The following DEPTOR variants were observed in gnomAD, a reference collection of about 807,000 sequenced individuals.
DEPTOR encodes the protein DEP domain containing MTOR interacting protein, also known as DEP domain-containing mTOR-interacting protein.
A neutral mutation model predicts 41.6 loss-of-function variants in DEPTOR; 41 were observed. The ratio of observed to expected loss-of-function variants is 0.98; its 90% CI spans 0.77 to 1.28. The LOEUF is 1.28. Among genes scored for constraint, DEPTOR ranks in the 50% most tolerant of loss-of-function variants. The pLI, the probability that DEPTOR is intolerant of heterozygous loss-of-function variation, is 0.00. For synonymous variants in DEPTOR, 195 were observed against 192.3 expected (o/e 1.01, Z -0.12); for missense variants, 514 against 527.9 (o/e 0.97, Z 0.26).
intron 8 of DEPTOR, among the ~76,000 whole-genome samples, chr8:120,013,013 C>T (rs1185164561): frequency 6.6e-6 from 1 of 151,786 alleles, no homozygotes; most frequent in African/African-American, 2.4e-5. Context: ...AAAAATTAGT[C>T]AAGCATGCTG....
chr8:119,900,978 G>T (rs1360293823), intron 1 of DEPTOR, among the ~76,000 whole-genome samples: 2 of 152,078 alleles, frequency 1.3e-5, no homozygotes, highest in Admixed American at 1.3e-4. Context: ...ATCCCTAGTG[G>T]AAAGTAAAAT....
chr8:119,930,067 A>G (rs1252691121), intron 3 of DEPTOR, 129 bp downstream of exon 3: 2 of 1,097,124 alleles, frequency 1.8e-6, no homozygotes, highest in African/African-American at 3.2e-5. Flanking sequence ...TCTTTTCCAT[A>G]TGAGAAAACT....
intron 3 of DEPTOR, among the ~76,000 whole-genome samples, chr8:119,935,722 A>G (rs957303288): frequency 1.3e-5 from 2 of 148,184 alleles, no homozygotes; most frequent in African/African-American, 4.9e-5. Context: ...CTCCATCTCA[A>G]AAAAAAAAAA....
intron 8 of DEPTOR, among the ~76,000 whole-genome samples, chr8:120,020,270 C>T (rs564331392): frequency 5.7e-4 from 86 of 152,118 alleles, no homozygotes; most frequent in African/African-American, 1.9e-3. Context: ...TTAGTAGAGA[C>T]GGGGTTTCAC....
chr8:119,960,229 AAAAAAC>A (rs1231984371), intron 3 of DEPTOR, among the ~76,000 whole-genome samples: 6 of 141,446 alleles, frequency 4.2e-5, no homozygotes, highest in African/African-American at 1.6e-4. Flanking sequence ...CTCTCAAAAA[AAAAAAC>A]AAAAAACAAA....
Position 119,907,608 on chromosome 8 carries a change from C to T in DEPTOR, c.123-20792C>T, listed in dbSNP as rs1006960857. ...TCAAGTTTGAGACCACACTGGCCAA[C>T]ATGGTGAAACCCCATCTCTACTAAA... On this transcript the variant is annotated intron_variant, in intron 1 of 8. Transcript: ENST00000286234. Among the ~76,000 whole-genome samples the T allele has an allele frequency of 9.9e-5, 15 of 152,228 alleles. No individual in the cohort carries two copies. In the South Asian group the frequency reaches 1.9e-3, roughly 19 times the overall value.
chr8:119,994,357 G>A (rs891648317), intron 4 of DEPTOR, among the ~76,000 whole-genome samples: 7 of 152,076 alleles, frequency 4.6e-5, no homozygotes, highest in Admixed American at 2.6e-4. Context: ...CAAACTCTAT[G>A]TCATTTAGCT....
chr8:120,001,097 G>C (rs1265614043), intron 4 of DEPTOR, among the ~76,000 whole-genome samples: 1 of 146,990 alleles, frequency 6.8e-6, no homozygotes, highest in African/African-American at 2.6e-5. Context: ...AAAAAGGATC[G>C]AGTGTGGCTA....
chr8:119,882,829 C>T lies in DEPTOR; in HGVS notation c.122+8861C>T, dbSNP rs1158713288. On this transcript the variant is annotated intron_variant, in intron 1 of 8. Transcript: ENST00000286234. Reference sequence around the variant, plus strand: ...ATGACAAAGGAAAGAACAATCGGTCCTACTTTCTACACGGTAATTATACTT... The same window carrying T: ...ATGACAAAGGAAAGAACAATCGGTCTTACTTTCTACACGGTAATTATACTT... Among the ~76,000 whole-genome samples, 3 of 152,152 alleles carry T rather than the reference C, an allele frequency of 2.0e-5. No homozygotes were observed. The East Asian group carries it at 5.8e-4, about 29-fold the overall frequency.
chr8:119,976,706 A>C (rs534694760), intron 4 of DEPTOR, among the ~76,000 whole-genome samples: 9 of 152,160 alleles, frequency 5.9e-5, no homozygotes, highest in Non-Finnish European at 1.2e-4. Flanking sequence ...TTTTCTGCAT[A>C]TGCAGTTGCC....
At chr8:120,002,340 A>G (rs544375617) in intron 5 of DEPTOR, among the ~76,000 whole-genome samples, 2 of 151,806 alleles carry the variant, frequency 1.3e-5, no homozygotes, top group Admixed American at 6.6e-5. Flanking sequence ...GGGTTTCACT[A>G]TGTTGGCCAG....
intron 3 of DEPTOR, among the ~76,000 whole-genome samples, chr8:119,941,943 T>A (rs1305970098): frequency 1.3e-5 from 2 of 152,202 alleles, no homozygotes; most frequent in African/African-American, 4.8e-5. Flanking sequence ...GCTTAATCAA[T>A]TTTTAAATGA....
chr8:119,929,442 A>G (rs933943930), intron 2 of DEPTOR, among the ~76,000 whole-genome samples: 6 of 152,018 alleles, frequency 3.9e-5, no homozygotes, highest in African/African-American at 1.5e-4. Flanking sequence ...TTTCAATTAC[A>G]GTTGACATTT....
chr8:119,990,198 G>A (rs1268561864), intron 4 of DEPTOR, among the ~76,000 whole-genome samples: 1 of 151,698 alleles, frequency 6.6e-6, no homozygotes, highest in Non-Finnish European at 1.5e-5. Flanking sequence ...TCACTCTGTC[G>A]CCCAGGCTGG....
At chr8:119,898,540 G>A (rs942338356) in intron 1 of DEPTOR, among the ~76,000 whole-genome samples, 4 of 151,908 alleles carry the variant, frequency 2.6e-5, no homozygotes, top group South Asian at 4.2e-4. Flanking sequence ...CCTGGGCAAT[G>A]TGATGAGACC....
In DEPTOR at chr8:119,929,932, A is replaced by T; in HGVS notation, c.419A>T (p.Tyr140Phe). Reference sequence around the variant, plus strand: ...GCCTTTATGAGAGGACAGAGGCTATATGAAAAGTATGTTCCGCATGAAATC... The same window carrying T: ...GCCTTTATGAGAGGACAGAGGCTATTTGAAAAGTATGTTCCGCATGAAATC... ...VKAFMRGQRL[Y>F]EKLMSPENTL... Residue 140 changes from tyrosine (Y) to phenylalanine (F), a missense_variant, in exon 3 of 9, where the codon TAT becomes TTT. By Grantham distance (22) the Tyr-to-Phe change is conservative (BLOSUM62 3). Transcript: ENST00000286234. The T allele has an allele frequency of 6.2e-7, 1 of 1,611,650 alleles. No homozygotes were observed. The highest frequency in any genetic ancestry group is 8.5e-7 in the Non-Finnish European group (1 of 1,178,256).
chr8:119,935,996 G>GTTA (rs1201688321), intron 3 of DEPTOR, among the ~76,000 whole-genome samples: 4 of 102,774 alleles, frequency 3.9e-5, no homozygotes, highest in African/African-American at 1.5e-4. Context: ...CATTAGTCTA[G>GTTA]TTGTTTTTTT....
intron 3 of DEPTOR, among the ~76,000 whole-genome samples, chr8:119,951,067 ACACAAACACACAC>A: frequency 2.3e-5 from 3 of 129,552 alleles, no homozygotes; most frequent in African/African-American, 8.2e-5. Context: ...ATATACACAC[ACACAAACACACAC>A]ACACACACAC....
At chr8:119,926,186 G>A (rs1463944099) in intron 1 of DEPTOR, among the ~76,000 whole-genome samples, 2 of 152,028 alleles carry the variant, frequency 1.3e-5, no homozygotes, top group African/African-American at 2.4e-5. Context: ...AATCTTTACA[G>A]TTCCCATTTC....
Sources: gnomAD v4.1 joint callset for allele counts (sites outside exome capture counted in the v4.1 genomes callset) on GRCh38, gnomAD v4.1.1 for gene constraint, MANE v1.5 for transcripts, NCBI Gene and HGNC (gene_info 2026-07-23, HGNC 2026-07-21) for gene names.